Variants in DTNB observed in about 807,000 individuals in gnomAD.
The protein encoded by DTNB is dystrobrevin beta.
A neutral mutation model predicts 90.7 loss-of-function variants in DTNB; 63 were observed. That is an observed-to-expected ratio of 0.69 (90% CI 0.57 to 0.86). The LOEUF is 0.86. Among genes scored for constraint, DTNB ranks in the 40% least tolerant of loss-of-function variants. The pLI is 0.00. For synonymous variants in DTNB, 277 were observed against 286.7 expected, an observed-to-expected ratio of 0.97 and a Z score of 0.34; for missense variants, 744 against 807.1, an observed-to-expected ratio of 0.92 and a Z score of 0.95.
chr2:25,525,750 A>T (rs1324501773), intron 9 of DTNB, among the ~76,000 whole-genome samples: 3 of 152,200 alleles, frequency 2.0e-5, no homozygotes, highest in Non-Finnish European at 4.4e-5. Context: ...TTTTACTTAA[A>T]TTTCTAACAG....
At chr2:25,481,509 G>A (rs549030947) in intron 10 of DTNB, 28 of 152,216 alleles carry the variant, frequency 1.8e-4, no homozygotes, top group Middle Eastern at 3.4e-3. Context: ...ATGCTCTGGT[G>A]CCCTGTACCA....
intron 10 of DTNB, among the ~76,000 whole-genome samples, chr2:25,480,715 A>G (rs2064769705): frequency 6.6e-6 from 1 of 152,238 alleles, no homozygotes; most frequent in Non-Finnish European, 1.5e-5. Flanking sequence ...GGGAAATGCT[A>G]CTGAATGAGA....
chr2:25,433,522 A>ATT (rs560980051), intron 13 of DTNB, among the ~76,000 whole-genome samples: 2 of 143,604 alleles, frequency 1.4e-5, no homozygotes, highest in Non-Finnish European at 1.5e-5. Context: ...AATGGCATTA[A>ATT]TTTTTTTTTT....
At chr2:25,488,546 T>C (rs758964728) in intron 9 of DTNB, among the ~76,000 whole-genome samples, 3 of 152,160 alleles carry the variant, frequency 2.0e-5, no homozygotes, top group Non-Finnish European at 2.9e-5. Context: ...CAGTTGAAAA[T>C]AGGAGAACAG....
At chr2:25,502,640 T>A (rs1224423674) in intron 9 of DTNB, among the ~76,000 whole-genome samples, 1 of 151,730 alleles carries the variant, frequency 6.6e-6, no homozygotes, top group Non-Finnish European at 1.5e-5. Flanking sequence ...TCCCAGCACT[T>A]TGGGCAGCCA....
intron 8 of DTNB, among the ~76,000 whole-genome samples, chr2:25,543,447 G>C (rs2081752827): frequency 6.6e-6 from 1 of 152,068 alleles, no homozygotes; most frequent in Non-Finnish European, 1.5e-5. Context: ...TGGGATTAGA[G>C]GTGCGCGCCA....
At chr2:25,404,763 G>A (rs1478592030) in intron 16 of DTNB, among the ~76,000 whole-genome samples, 2 of 152,128 alleles carry the variant, frequency 1.3e-5, no homozygotes, top group African/African-American at 4.8e-5. Context: ...GCTGAGGCAG[G>A]AGAATCGCTT....
chr2:25,543,838 A>C (rs1170956804), intron 8 of DTNB, among the ~76,000 whole-genome samples: 1 of 152,072 alleles, frequency 6.6e-6, no homozygotes, highest in Non-Finnish European at 1.5e-5. Context: ...TGCTGTTGTT[A>C]AAGTAACATT....
chr2:25,412,014 T>G (rs2046745299), intron 16 of DTNB, among the ~76,000 whole-genome samples: 1 of 152,198 alleles, frequency 6.6e-6, no homozygotes, highest in Non-Finnish European at 1.5e-5. Context: ...CCATGAGGCA[T>G]GCTAACATCA....
At chr2:25,659,208 G>A (rs2082667118) in intron 1 of DTNB, among the ~76,000 whole-genome samples, 1 of 152,184 alleles carries the variant, frequency 6.6e-6, no homozygotes, top group Non-Finnish European at 1.5e-5. Context: ...TAGTGATAAG[G>A]TAGTGGAAGG....
chr2:25,410,078 T>A (rs1292450422), intron 16 of DTNB, among the ~76,000 whole-genome samples: 1 of 152,176 alleles, frequency 6.6e-6, no homozygotes, highest in African/African-American at 2.4e-5. Context: ...CTTCATCCTT[T>A]TCTGTTAATG....
intron 9 of DTNB, among the ~76,000 whole-genome samples, chr2:25,515,628 C>A (rs2074943846): frequency 6.6e-6 from 1 of 152,036 alleles, no homozygotes; most frequent in East Asian, 1.9e-4. Context: ...GTTCTTCTTG[C>A]TCAGGCTAGA....
At chr2:25,432,088 A>G (rs2054045118) in intron 14 of DTNB, among the ~76,000 whole-genome samples, 1 of 152,156 alleles carries the variant, frequency 6.6e-6, no homozygotes, top group Admixed American at 6.5e-5. Flanking sequence ...AGAATCCTAG[A>G]TGATAGCAAA....
intron 9 of DTNB, among the ~76,000 whole-genome samples, chr2:25,498,364 G>A (rs536297422): frequency 6.6e-6 from 1 of 152,126 alleles, no homozygotes; most frequent in South Asian, 2.1e-4. Context: ...CAAACTAAGA[G>A]CCTAAAATAA....
intron 3 of DTNB, among the ~76,000 whole-genome samples, chr2:25,632,534 A>G (rs920651916): frequency 6.6e-6 from 1 of 152,112 alleles, no homozygotes; most frequent in Non-Finnish European, 1.5e-5. Context: ...TCATCCACCC[A>G]TGGATTAACG....
chr2:25,529,209 T>G (rs561017540), intron 9 of DTNB, among the ~76,000 whole-genome samples: 2 of 152,200 alleles, frequency 1.3e-5, no homozygotes, highest in Non-Finnish European at 2.9e-5. Flanking sequence ...CTGTGCGTAT[T>G]TGGAAACTTC....
intron 17 of DTNB, 24 bp downstream of exon 17, chr2:25,388,178 C>T: frequency 6.4e-7 from 1 of 1,551,784 alleles, no homozygotes; most frequent in Non-Finnish European, 8.7e-7. Flanking sequence ...CAGCTCCCCG[C>T]TGAACTCTGC....
At chr2:25,643,560 T>C (rs1241021307) in intron 2 of DTNB, among the ~76,000 whole-genome samples, 2 of 152,198 alleles carry the variant, frequency 1.3e-5, no homozygotes, top group Non-Finnish European at 2.9e-5. Flanking sequence ...AGACAAACTG[T>C]AGATAGAATT....
intron 8 of DTNB, among the ~76,000 whole-genome samples, chr2:25,553,922 G>A (rs9752282): frequency 2.0e-5 from 3 of 151,892 alleles, no homozygotes; most frequent in East Asian, 1.9e-4. Flanking sequence ...TGTGCTCAGC[G>A]GCAAATAGCT....
Sources: gnomAD v4.1 joint callset for allele counts (sites outside exome capture counted in the v4.1 genomes callset) on GRCh38, gnomAD v4.1.1 for gene constraint, MANE v1.5 for transcripts, NCBI Gene and HGNC (gene_info 2026-07-23, HGNC 2026-07-21) for gene names.